Variants in SALL2 observed in about 807,000 individuals in gnomAD.
The protein encoded by SALL2 is sal-like protein 2.
In SALL2, 32 loss-of-function variants were observed where a neutral mutation model predicts 58.5. That is an observed-to-expected ratio of 0.55 (90% CI 0.41 to 0.74). The LOEUF (loss-of-function observed/expected upper bound fraction) is 0.74, where lower values mean the gene tolerates loss of function less well. SALL2 is among the 30% of genes least tolerant of loss of function. The pLI, the probability that SALL2 is intolerant of heterozygous loss-of-function variation, is 0.00. For missense variants in SALL2, 1,201 were observed against 1,268.9 expected (o/e 0.95, Z 0.81); for synonymous variants, 516 against 513.6 (o/e 1.00, Z -0.06).
At chr14:21,536,259 G>C (rs139410776) in intron 1 of SALL2, among the ~76,000 whole-genome samples, 19 of 152,154 alleles carry the variant, frequency 1.2e-4, no homozygotes, top group African/African-American at 3.6e-4. Context: ...ACAAACCTAA[G>C]CCCCTCATCC....
chr14:21,524,486 G>A lies in SALL2; in HGVS notation c.1236C>T (p.Gly412=), dbSNP rs748931784. The change falls in exon 2 of 2, where the codon GGC becomes GGT. Residue 412 remains glycine, a synonymous_variant. Coordinates refer to ENST00000537235, the MANE Select transcript of SALL2 (RefSeq NM_001364564.1). The part of the protein sequence containing the change: ...NVCGNRFTTR[G]NLKVHFHRHR... ...GCCGGTGGAAATGCACTTTGAGGTT[G>A]CCACGGGTGGTAAAACGGTTTCCAC... The A allele has an allele frequency of 6.8e-6, 11 of 1,614,134 alleles. No individual in the cohort carries two copies. Among genetic ancestry groups the A allele is most frequent in the African/African-American group, 2.7e-5 (2 of 74,930 alleles).
chr14:21,526,612 G>T (rs778646901), upstream of SALL2: 27 of 587,412 alleles, frequency 4.6e-5, no homozygotes, highest in Non-Finnish European at 5.5e-5. Flanking sequence ...AAGCTCTAGG[G>T]GCACAGTGGG....
Position 21,525,963 on chromosome 14 carries a change from A to G in SALL2, c.67+98T>C, listed in dbSNP as rs1209031943. On this transcript the variant is annotated intron_variant, in intron 1 of 1. Transcript: ENST00000537235. This position sits in a 1 kb window ranked among gnomAD's most constrained non-coding sequence, Gnocchi z 4.4. ...GGTGTGGGGACAGGGGCCTACGCAG[A>G]GAATCATGCATTTTCTCCCACCCAC... 1 of 1,157,016 alleles carries G rather than the reference A, an allele frequency of 8.6e-7. No individual in the cohort carries two copies. Among genetic ancestry groups the G allele is most frequent in the Non-Finnish European group, 1.2e-6 (1 of 803,172 alleles). 71.7% of individuals were successfully genotyped at this position (1,157,016 alleles called of 1,614,324 possible). A position where few individuals can be genotyped will look rare whatever the true frequency, so the allele number is the denominator to read the frequency against.
In SALL2 at chr14:21,522,928, G is replaced by C. The variant is rs757637515; in HGVS notation, c.2794C>G (p.Pro932Ala). 5 of 1,613,846 alleles carry C rather than the reference G, an allele frequency of 3.1e-6. No homozygotes were observed. Among genetic ancestry groups the C allele is most frequent in the Admixed American group, 1.7e-5 (1 of 59,980 alleles). Residue 932 changes from proline to alanine, a missense_variant, in exon 2 of 2, where the codon CCC becomes GCC. Coordinates refer to ENST00000537235, the MANE Select transcript of SALL2 (RefSeq NM_001364564.1). ...AALEEHQKTH[P>A]KEGPLFTCVF... ...CAAGTGAAGAGCGGCCCCTCCTTGG[G>C]GTGGGTCTTCTGATGCTCCTCCAGA...
intron 1 of SALL2, among the ~76,000 whole-genome samples, chr14:21,535,127 C>T (rs1329366740): frequency 2.6e-5 from 4 of 152,028 alleles, no homozygotes; most frequent in South Asian, 2.1e-4. Flanking sequence ...GGGCAGATTA[C>T]GAGATCAGGA....
chr14:21,531,561 C>G (rs1016290125), intron 1 of SALL2, among the ~76,000 whole-genome samples: 3 of 152,108 alleles, frequency 2.0e-5, no homozygotes, highest in Non-Finnish European at 4.4e-5. Flanking sequence ...CATGTGCCAC[C>G]ACGCCCGGCT....
intron 1 of SALL2, among the ~76,000 whole-genome samples, chr14:21,532,863 T>TGAGGCAGGAGAATGGTGTG (rs1479848681): frequency 6.6e-6 from 1 of 151,738 alleles, no homozygotes; most frequent in Non-Finnish European, 1.5e-5. Context: ...CTTGGGAGGC[T>TGAGGCAGGAGAATGGTGTG]GAGGCAGGAG....
At chr14:21,530,577 C>T (rs966186618), upstream of SALL2, among the ~76,000 whole-genome samples, 2 of 152,116 alleles carry the variant, frequency 1.3e-5, no homozygotes, top group East Asian at 3.9e-4. Flanking sequence ...CGTGAGCCAT[C>T]GCGCCCGGCC....
At chr14:21,526,471 A>G (rs1892319486), upstream of SALL2, 1 of 1,283,366 alleles carries the variant, frequency 7.8e-7, no homozygotes, top group Non-Finnish European at 9.9e-7. Context: ...AGCTCGGGAG[A>G]GTTTCCGGAG....
At chr14:21,535,207 T>C (rs781568187) in intron 1 of SALL2, among the ~76,000 whole-genome samples, 2 of 151,442 alleles carry the variant, frequency 1.3e-5, no homozygotes, top group Non-Finnish European at 2.9e-5. Flanking sequence ...TAGCCCGGCG[T>C]GGTGGCAGGC....
rs549971226 is a variant in SALL2, at chr14:21,521,585, ATT to A, written c.*1117_*1118del. ...CGAGAATGTCCAGACATTCACAAGA[ATT>A]TGAGGCCTTTTCCCTTACATCATGT... On this transcript the variant is annotated 3_prime_UTR_variant, in exon 2 of 2. Transcript: ENST00000537235. The A allele has an allele frequency of 1.3e-3, 227 of 173,216 alleles. No individual in the cohort carries two copies. Among genetic ancestry groups the A allele is most frequent in the Middle Eastern group, 0.012 (4 of 334 alleles). The allele number at this position is 173,216 out of a possible 1,614,324, so 10.7% of individuals were successfully genotyped here.
chr14:21,526,640 G>C, upstream of SALL2: 3 of 320,560 alleles, frequency 9.4e-6, no homozygotes, highest in Non-Finnish European at 1.4e-5. Context: ...GCCCTGCTCA[G>C]TGGAGCAAGG....
upstream of SALL2, among the ~76,000 whole-genome samples, chr14:21,530,038 A>G (rs1474909025): frequency 6.6e-6 from 1 of 152,140 alleles, no homozygotes; most frequent in Admixed American, 6.5e-5. Flanking sequence ...TGGGACACAG[A>G]CAAAATGAAC....
upstream of SALL2, among the ~76,000 whole-genome samples, chr14:21,528,269 C>T (rs1269152553): frequency 6.6e-6 from 1 of 151,994 alleles, no homozygotes; most frequent in Non-Finnish European, 1.5e-5. Flanking sequence ...CTTAAATACA[C>T]ATATACTAAA....
chr14:21,536,133 A>G (rs143470000), intron 1 of SALL2, among the ~76,000 whole-genome samples: 28 of 152,322 alleles, frequency 1.8e-4, no homozygotes, highest in African/African-American at 6.5e-4. Context: ...CTCATAAGGG[A>G]CACCTGTTGC....
intron 1 of SALL2, among the ~76,000 whole-genome samples, chr14:21,534,536 C>T (rs924331023): frequency 2.0e-5 from 3 of 151,974 alleles, no homozygotes; most frequent in South Asian, 2.1e-4. Context: ...TCAAGACAGC[C>T]GCTAAAGATA....
At chr14:21,533,813 C>T (rs2293702) in intron 1 of SALL2, among the ~76,000 whole-genome samples, 62,386 of 151,906 alleles carry the variant, frequency 0.41, 13,208 homozygotes, top group Middle Eastern at 0.51. Flanking sequence ...TCAGCATTTG[C>T]ATGTTGTATA....
At chr14:21,528,360 A>G (rs1372172844), upstream of SALL2, among the ~76,000 whole-genome samples, 2 of 152,194 alleles carry the variant, frequency 1.3e-5, no homozygotes, top group Non-Finnish European at 2.9e-5. Flanking sequence ...AGCATATTTC[A>G]AAGGTAGGAA....
At chr14:21,537,079 GA>G in exon 1 of SALL2, 1 of 635,232 alleles carries the variant, frequency 1.6e-6, no homozygotes, top group Admixed American at 2.6e-5. Context: ...CAGAGACACA[GA>G]CTCTCTCTCT....
Sources: allele counts gnomAD v4.1 joint callset (sites outside exome capture counted in the v4.1 genomes callset), GRCh38; gene constraint gnomAD v4.1.1; non-coding constraint Gnocchi (gnomAD v3.1); transcripts MANE v1.5; gene names NCBI Gene and HGNC (gene_info 2026-07-23, HGNC 2026-07-21).